The following CPEB4 variants were observed in gnomAD, a reference collection of about 807,000 sequenced individuals.
CPEB4 encodes the protein cytoplasmic polyadenylation element-binding protein 4.
A neutral mutation model predicts 72.5 loss-of-function variants in CPEB4; 12 were observed. The observed-to-expected ratio is 0.17, with a 90% CI of 0.11 to 0.27. The LOEUF is 0.27. Among genes scored for constraint, CPEB4 ranks in the 10% least tolerant of loss-of-function variants. The pLI is 1.00. For missense variants in CPEB4, 614 were observed against 908.5 expected (o/e 0.68, Z 4.17); for synonymous variants, 302 against 326.3 (o/e 0.93, Z 0.80).
At chr5:173,914,710 C>T (rs1315354803) in intron 2 of CPEB4, among the ~76,000 whole-genome samples, 2 of 152,194 alleles carry the variant, frequency 1.3e-5, no homozygotes, top group Admixed American at 6.5e-5. Context: ...GAGCCGAGAT[C>T]GGGCCACTGC....
intron 2 of CPEB4, among the ~76,000 whole-genome samples, chr5:173,924,638 C>T (rs1241755688): frequency 6.6e-6 from 1 of 152,224 alleles, no homozygotes; most frequent in East Asian, 1.9e-4. Context: ...TATCTCAAGA[C>T]TGTCTCACAA....
rs114749944 is a variant in CPEB4 at position 173,959,569 on chromosome 5, A to G, written c.*3432A>G. On this transcript the variant is annotated 3_prime_UTR_variant, in exon 10 of 10. Transcript: ENST00000265085. ...TTTCAAACTTTTGAAAGATCTTTGC[A>G]GTGTAATTCTTTGTTTTTAATTGCA... 136 of 152,920 alleles carry G rather than the reference A, an allele frequency of 8.9e-4. No homozygotes were observed. Among genetic ancestry groups the G allele is most frequent in the African/African-American group, 3.2e-3 (132 of 41,582 alleles). 9.5% of individuals were successfully genotyped at this position (152,920 alleles called of 1,614,324 possible).
rs1307254901 is a variant in CPEB4 at position 173,960,445 on chromosome 5, A to G, written c.*4308A>G. ...AACCAATAGGAAAAAATCTTCAGTC[A>G]TATAAGTACTGTGGCCAGTGTGCAT... On this transcript the variant is annotated 3_prime_UTR_variant, in exon 10 of 10. Transcript: ENST00000265085. 1 of 152,450 alleles carries G rather than the reference A, an allele frequency of 6.6e-6. No individual in the cohort carries two copies. Among genetic ancestry groups the G allele is most frequent in the Non-Finnish European group, 1.5e-5 (1 of 68,040 alleles). 9.4% of individuals were successfully genotyped at this position (152,450 alleles called of 1,614,324 possible). A position where few individuals can be genotyped will look rare whatever the true frequency, so the allele number is the denominator to read the frequency against.
intron 9 of CPEB4, among the ~76,000 whole-genome samples, chr5:173,954,105 T>C (rs1003551107): frequency 1.3e-5 from 2 of 152,220 alleles, no homozygotes; most frequent in African/African-American, 4.8e-5. Flanking sequence ...ACTGGCACTT[T>C]CATGCATGCT....
Position 173,943,047 on chromosome 5 carries a change from G to GAGGT in CPEB4, c.1282_1282+3dup. 6.2e-7 allele frequency: 1 copy of GAGGT among 1,611,498 alleles called. No homozygotes were observed. Among genetic ancestry groups the GAGGT allele is most frequent in the Non-Finnish European group, 8.5e-7 (1 of 1,178,916 alleles). ...GCAGCAAGGACATATGGGCGAAGGA[G>GAGGT]AGGTAACATTGTTTTTAACTTTTAA... On this transcript the variant is annotated frameshift_variant and splice_region_variant, in exon 4 of 10. Coordinates refer to ENST00000265085, the MANE Select transcript of CPEB4 (RefSeq NM_030627.4). LOFTEE classifies it high-confidence loss of function.
intron 1 of CPEB4, among the ~76,000 whole-genome samples, chr5:173,906,840 T>C (rs1241230907): frequency 1.3e-5 from 2 of 152,262 alleles, no homozygotes; most frequent in Non-Finnish European, 2.9e-5. Flanking sequence ...ATTTTAGTTT[T>C]AATGTACTTT....
chr5:173,906,276 G>T, intron 1 of CPEB4, among the ~76,000 whole-genome samples: 1 of 152,138 alleles, frequency 6.6e-6, no homozygotes, highest in Non-Finnish European at 1.5e-5. Flanking sequence ...GTTTATCTGT[G>T]TCCCCTTTAT....
intron 2 of CPEB4, among the ~76,000 whole-genome samples, chr5:173,930,056 GTTTTTTT>G (rs748066839): frequency 7.1e-6 from 1 of 141,712 alleles, no homozygotes; most frequent in Non-Finnish European, 1.6e-5. Context: ...CACCTCCCAA[GTTTTTTT>G]TTTTTTTTGA....
chr5:173,918,012 T>A (rs1416592554), intron 2 of CPEB4, among the ~76,000 whole-genome samples: 1 of 152,230 alleles, frequency 6.6e-6, no homozygotes, highest in African/African-American at 2.4e-5. Context: ...TTAAGTCTCC[T>A]AAGAATTAGA....
intron 2 of CPEB4, among the ~76,000 whole-genome samples, chr5:173,927,639 TG>T (rs1300662911): frequency 1.3e-5 from 2 of 151,982 alleles, no homozygotes; most frequent in Admixed American, 1.3e-4. Context: ...TATCTGTGTG[TG>T]GTGGTGCTCG....
intron 2 of CPEB4, 22 bp downstream of exon 2, chr5:173,910,626 A>G (rs1464202654): frequency 4.2e-6 from 6 of 1,414,154 alleles, no homozygotes; most frequent in South Asian, 1.2e-5. Context: ...AATATACCCA[A>G]TTGATTTCAG....
intron 3 of CPEB4, among the ~76,000 whole-genome samples, chr5:173,933,585 T>C (rs1757518131): frequency 6.6e-6 from 1 of 152,272 alleles, no homozygotes; most frequent in East Asian, 1.9e-4. Context: ...AGCATAAATA[T>C]ATTAGGCCAA....
Position 173,955,236 on chromosome 5 carries a change from G to A in CPEB4, c.1963-674G>A, listed in dbSNP as rs1018955231. On this transcript the variant is annotated intron_variant, in intron 9 of 9. Transcript: ENST00000265085. This position sits in a 1 kb window ranked among gnomAD's most constrained non-coding sequence, Gnocchi z 4.7. ...GTTGGCCGATAGAACGCTGGAACAGGCCCAGTTTTAGAAATTCACCTCTGA... is the reference window on the plus strand; with the variant it reads ...GTTGGCCGATAGAACGCTGGAACAGACCCAGTTTTAGAAATTCACCTCTGA... Among the ~76,000 whole-genome samples the A allele has an allele frequency of 2.6e-5, 4 of 152,182 alleles. No homozygotes were observed. In the East Asian group the frequency reaches 5.8e-4, roughly 22 times the overall value.
Position 173,932,558 on chromosome 5 carries a change from T to G in CPEB4, c.1258+58T>G, listed in dbSNP as rs13187562. The G allele has an allele frequency of 7.3e-4, 939 of 1,287,568 alleles. 7 individuals are homozygous for G. The South Asian group carries it at 7.7e-3, about 11-fold the overall frequency. 79.8% of individuals were successfully genotyped at this position (1,287,568 alleles called of 1,614,324 possible). ...CACAAAACTGATACAGTAGTTGTGCTTCAGCAGTGGAGAAATGACATTAGT... is the reference window on the plus strand; with the variant it reads ...CACAAAACTGATACAGTAGTTGTGCGTCAGCAGTGGAGAAATGACATTAGT... On this transcript the variant is annotated intron_variant, in intron 3 of 9. Coordinates refer to ENST00000265085, the MANE Select transcript of CPEB4 (RefSeq NM_030627.4).
intron 4 of CPEB4, among the ~76,000 whole-genome samples, chr5:173,944,762 A>T (rs1467608550): frequency 6.6e-6 from 1 of 152,104 alleles, no homozygotes; most frequent in Non-Finnish European, 1.5e-5. Context: ...GCCTTCTATT[A>T]ATATTTAACT....
intron 9 of CPEB4, 104 bp downstream of exon 9, chr5:173,953,376 A>G: frequency 1.2e-6 from 1 of 860,602 alleles, no homozygotes; most frequent in Non-Finnish European, 1.7e-6. Flanking sequence ...GTGACAGCTG[A>G]CAATTTTGCC....
chr5:173,897,174 C>T (rs994875015), intron 1 of CPEB4, among the ~76,000 whole-genome samples: 20 of 152,230 alleles, frequency 1.3e-4, no homozygotes, highest in African/African-American at 4.1e-4. Context: ...TCAATTTTCT[C>T]GAAGAGAAGT....
Position 173,958,963 on chromosome 5 carries a change from T to G in CPEB4, c.*2826T>G, listed in dbSNP as rs1185432173. The G allele has an allele frequency of 6.5e-6, 1 of 152,786 alleles. No individual in the cohort carries two copies. Among genetic ancestry groups the G allele is most frequent in the Non-Finnish European group, 1.5e-5 (1 of 68,028 alleles). 9.5% of individuals were successfully genotyped at this position (152,786 alleles called of 1,614,324 possible). A position where few individuals can be genotyped will look rare whatever the true frequency, so the allele number is the denominator to read the frequency against. On this transcript the variant is annotated 3_prime_UTR_variant, in exon 10 of 10. Transcript: ENST00000265085. ...GTAAGAAATTGTTATTCTACTAATA[T>G]TTACTTGTGATTGTGTGACAAGTGT... is the stretch of plus-strand genomic sequence containing the variant.
chr5:173,890,832 A>G lies in CPEB4; in HGVS notation c.1099A>G (p.Arg367Gly), dbSNP rs749120766. 5 of 1,611,656 alleles carry G rather than the reference A, an allele frequency of 3.1e-6. No homozygotes were observed. The highest frequency in any genetic ancestry group is 4.2e-6 in the Non-Finnish European group (5 of 1,178,892). ...PKSWMEDSLN[R>G]ADNIFPFPDR... The stretch of plus-strand genomic sequence containing the variant: ...ATCCTGGATGGAAGATAGCTTGAAC[A>G]GGGCTGACAACATTTTTCCTTTTCC... Residue 367 changes from arginine to glycine, a missense_variant, in exon 1 of 10, where the codon AGG becomes GGG. Coordinates refer to ENST00000265085, the MANE Select transcript of CPEB4 (RefSeq NM_030627.4).
Sources: allele counts gnomAD v4.1 joint callset (sites outside exome capture counted in the v4.1 genomes callset), GRCh38; gene constraint gnomAD v4.1.1; non-coding constraint Gnocchi (gnomAD v3.1); transcripts MANE v1.5; gene names NCBI Gene and HGNC (gene_info 2026-07-23, HGNC 2026-07-21).